VPS37A: variants seen among roughly 807,000 people sequenced by gnomAD.
VPS37A encodes the protein vacuolar protein sorting-associated protein 37A.
In VPS37A, 30 loss-of-function variants were observed where a neutral mutation model predicts 49.8. The ratio of observed to expected loss-of-function variants is 0.60; its 90% CI spans 0.45 to 0.82. VPS37A has a LOEUF of 0.82. VPS37A is among the 40% of genes least tolerant of loss of function. The pLI is 0.00. For synonymous variants in VPS37A, 195 were observed against 160.6 expected (o/e 1.21, Z -1.62); for missense variants, 593 against 464.4 (o/e 1.28, Z -2.55).
chr8:17,268,675 A>C, intron 3 of VPS37A, among the ~76,000 whole-genome samples, 181 bp from the exon 4 acceptor site: 1 of 152,182 alleles, frequency 6.6e-6, no homozygotes, highest in Non-Finnish European at 1.5e-5. Context: ...TTTACTAATC[A>C]CCAGATATTT....
At chr8:17,307,588 A>T in the VPS37A span, among the ~76,000 whole-genome samples, 9 of 152,056 alleles carry the variant, frequency 5.9e-5, no homozygotes, top group Non-Finnish European at 2.9e-5. Flanking sequence ...CATGCACATG[A>T]ATGTTTATAG....
the VPS37A span, among the ~76,000 whole-genome samples, chr8:17,318,591 T>C: frequency 6.6e-6 from 1 of 152,186 alleles, no homozygotes; most frequent in Non-Finnish European, 1.5e-5. Context: ...TGTTGGCCAC[T>C]GCAGTGGGGT....
chr8:17,302,989 G>A (rs1032272062), downstream of VPS37A, among the ~76,000 whole-genome samples: 1 of 151,970 alleles, frequency 6.6e-6, no homozygotes, highest in East Asian at 1.9e-4. Context: ...GGGATTATAG[G>A]CGGGAGCCAC....
downstream of VPS37A, among the ~76,000 whole-genome samples, chr8:17,302,993 G>C (rs750345195): frequency 1.1e-4 from 17 of 151,968 alleles, no homozygotes; most frequent in Non-Finnish European, 2.5e-4. Flanking sequence ...TTATAGGCGG[G>C]AGCCACCACG....
At chr8:17,251,257 A>G (rs2150344236) in intron 1 of VPS37A, among the ~76,000 whole-genome samples, 1 of 152,280 alleles carries the variant, frequency 6.6e-6, no homozygotes. Context: ...GCTGCTCAAA[A>G]TGTTTTCTCA....
the VPS37A span, chr8:17,311,539 G>C: frequency 1.2e-6 from 2 of 1,614,100 alleles, no homozygotes; most frequent in South Asian, 2.2e-5. Context: ...CCGGTAGTGA[G>C]GGTCCAGCAG....
chr8:17,255,205 G>T (rs1236569912), intron 1 of VPS37A, among the ~76,000 whole-genome samples: 1 of 152,232 alleles, frequency 6.6e-6, no homozygotes, highest in African/African-American at 2.4e-5. Context: ...GCTGGCTGCA[G>T]TGGCTCACTG....
chr8:17,328,258 A>G, the VPS37A span, among the ~76,000 whole-genome samples: 7 of 152,274 alleles, frequency 4.6e-5, no homozygotes, highest in East Asian at 7.7e-4. Flanking sequence ...CACACCCTCA[A>G]CAAGTGGAGA....
At chr8:17,327,119 T>C in the VPS37A span, among the ~76,000 whole-genome samples, 2 of 152,226 alleles carry the variant, frequency 1.3e-5, no homozygotes, top group African/African-American at 2.4e-5. Flanking sequence ...TTAGTACATA[T>C]AGTCTTCACA....
At chr8:17,262,342 C>G (rs570331784) in intron 1 of VPS37A, among the ~76,000 whole-genome samples, 5 of 152,228 alleles carry the variant, frequency 3.3e-5, no homozygotes, top group African/African-American at 9.6e-5. Context: ...ATATTAAGGT[C>G]TATTTGTTTC....
At chr8:17,311,181 T>C in the VPS37A span, among the ~76,000 whole-genome samples, 119,613 of 152,150 alleles carry the variant, frequency 0.79, 47,448 homozygotes, top group African/African-American at 0.88. Flanking sequence ...TACATATTCA[T>C]GTTACCTCAA....
At position 17,268,405 on chromosome 8, in the gene VPS37A, TATA is replaced by T. The variant is rs1417519664; in HGVS notation, c.315+37_315+39del. ...TATGGGATAATTTATTTCAGGGTAA[TATA>T]ATAGGTGTATTACTTTTCTACTAAA... On this transcript the variant is annotated intron_variant, in intron 3 of 11. Coordinates refer to ENST00000324849, the MANE Select transcript of VPS37A (RefSeq NM_152415.3). The T allele has an allele frequency of 9.0e-6, 13 of 1,438,358 alleles. No individual in the cohort carries two copies. The African/African-American group carries it at 1.4e-4, about 16-fold the overall frequency. The allele number at this position is 1,438,358 out of a possible 1,614,324, so 89.1% of individuals were successfully genotyped here.
intron 1 of VPS37A, among the ~76,000 whole-genome samples, chr8:17,263,293 A>C (rs1209647844): frequency 1.3e-5 from 2 of 152,152 alleles, no homozygotes; most frequent in Non-Finnish European, 1.5e-5. Context: ...AAGTTTTTTA[A>C]AAGTATTAAA....
chr8:17,250,219 C>T (rs928495857), intron 1 of VPS37A, among the ~76,000 whole-genome samples: 3 of 152,170 alleles, frequency 2.0e-5, no homozygotes, highest in African/African-American at 7.2e-5. Flanking sequence ...AGCTTTACTT[C>T]TGAGGCCCTC....
intron 1 of VPS37A, among the ~76,000 whole-genome samples, chr8:17,260,743 G>GTTGT (rs778177433): frequency 6.6e-6 from 1 of 152,146 alleles, no homozygotes; most frequent in Non-Finnish European, 1.5e-5. Flanking sequence ...TGGATGGCAA[G>GTTGT]TTGTTTGTTT....
chr8:17,326,765 C>T, the VPS37A span, among the ~76,000 whole-genome samples: 9 of 151,842 alleles, frequency 5.9e-5, no homozygotes, highest in Non-Finnish European at 7.4e-5. Flanking sequence ...CTGATGAGAA[C>T]GCAGCCCAGC....
chr8:17,331,397 A>C, the VPS37A span: 4 of 1,128,052 alleles, frequency 3.5e-6, no homozygotes, highest in Non-Finnish European at 4.9e-6. Flanking sequence ...GTACGGAAAC[A>C]TAATACGCTT....
the VPS37A span, among the ~76,000 whole-genome samples, chr8:17,333,292 G>C: frequency 6.6e-6 from 1 of 150,580 alleles, no homozygotes; most frequent in African/African-American, 2.4e-5. Flanking sequence ...CACACTTTAA[G>C]AAGTATAAAT....
intron 9 of VPS37A, among the ~76,000 whole-genome samples, chr8:17,282,790 T>A (rs1815208507): frequency 6.6e-6 from 1 of 152,102 alleles, no homozygotes. Flanking sequence ...TAGGCTTCTT[T>A]CTAGATGTTC....
Sources: allele counts gnomAD v4.1 joint callset (sites outside exome capture counted in the v4.1 genomes callset), GRCh38; gene constraint gnomAD v4.1.1; transcripts MANE v1.5; gene names NCBI Gene and HGNC (gene_info 2026-07-23, HGNC 2026-07-21).